The following JADE1 variants were observed in gnomAD, a reference collection of about 807,000 sequenced individuals.
The protein encoded by JADE1 is protein Jade-1.
A neutral mutation model predicts 81.8 loss-of-function variants in JADE1; 14 were observed. The ratio of observed to expected loss-of-function variants is 0.17; its 90% CI spans 0.11 to 0.27. The LOEUF is 0.27. Among genes scored for constraint, JADE1 ranks in the 10% least tolerant of loss-of-function variants. JADE1 has a pLI of 1.00. For synonymous variants in JADE1, 353 were observed against 391.9 expected (o/e 0.90, Z 1.17); for missense variants, 690 against 1,047.9 (o/e 0.66, Z 4.71).
intron 1 of JADE1, among the ~76,000 whole-genome samples, chr4:128,817,888 C>T (rs1727183795): frequency 6.6e-6 from 1 of 152,146 alleles, no homozygotes; most frequent in Non-Finnish European, 1.5e-5. Context: ...GCCACTGTTA[C>T]CATGTATTGT....
rs1253824361 is a variant in JADE1 at position 128,871,216 on chromosome 4, G to A, written c.1622-139G>A. On this transcript the variant is annotated intron_variant, in intron 10 of 10. Coordinates refer to ENST00000226319, the MANE Select transcript of JADE1 (RefSeq NM_199320.4). The surrounding 1 kb of genome is among the most constrained non-coding windows in gnomAD (Gnocchi z 4.1). ...TCTCTTCACTATAAAAACCAAATTT[G>A]TACAAACTTGGTGGTGTAAGTGTTG... 3 of 826,252 alleles carry A rather than the reference G, an allele frequency of 3.6e-6. No individual in the cohort carries two copies. Among genetic ancestry groups the A allele is most frequent in the African/African-American group, 3.4e-5 (2 of 58,076 alleles). The allele number at this position is 826,252 out of a possible 1,614,324, so 51.2% of individuals were successfully genotyped here.
chr4:128,864,708 T>A, intron 9 of JADE1: 1 of 590,114 alleles, frequency 1.7e-6, no homozygotes, highest in Non-Finnish European at 2.1e-6. Context: ...AAAAATCATT[T>A]AATACCTGTG....
intron 8 of JADE1, among the ~76,000 whole-genome samples, chr4:128,859,356 T>G (rs111205563): frequency 4.6e-5 from 7 of 151,988 alleles, no homozygotes; most frequent in African/African-American, 1.7e-4. Flanking sequence ...CGTATTTGAG[T>G]ATGCGTGTGT....
At chr4:128,849,293 T>A in intron 5 of JADE1, 126 bp downstream of exon 5, 1 of 752,748 alleles carries the variant, frequency 1.3e-6, no homozygotes, top group Non-Finnish European at 2.1e-6. Flanking sequence ...CTTTAGTCAG[T>A]GAGAATCGCA....
intron 1 of JADE1, among the ~76,000 whole-genome samples, chr4:128,823,890 G>A (rs1478622160): frequency 2.0e-5 from 3 of 152,166 alleles, no homozygotes; most frequent in Non-Finnish European, 4.4e-5. Context: ...ACTGAGGTAA[G>A]AAACCAGCTG....
At chr4:128,862,643 G>A in intron 9 of JADE1, 2 of 1,019,228 alleles carry the variant, frequency 2.0e-6, no homozygotes, top group Non-Finnish European at 2.4e-6. Context: ...GGGGGCCAGA[G>A]ATGGGAAAAT....
intron 1 of JADE1, among the ~76,000 whole-genome samples, chr4:128,823,825 A>G (rs1407105918): frequency 6.6e-6 from 1 of 152,208 alleles, no homozygotes; most frequent in Non-Finnish European, 1.5e-5. Flanking sequence ...TATGAATTAG[A>G]TAATGTTGCC....
intron 6 of JADE1, 118 bp downstream of exon 6, chr4:128,852,386 T>C (rs2125868875): frequency 1.3e-6 from 1 of 749,230 alleles, no homozygotes; most frequent in South Asian, 1.7e-5. Context: ...TTCTACGATT[T>C]AAAGAAATGT....
rs1035508490 is a variant in JADE1, at chr4:128,846,940, G to A, written c.296+408G>A. ...AAGCATCTGGCTTTGTTGGGAACTA[G>A]CGCGGGCAGCTGCTCTGCCTACTGC... On this transcript the variant is annotated intron_variant, in intron 4 of 10. Transcript: ENST00000226319. The surrounding 1 kb of genome is among the most constrained non-coding windows in gnomAD (Gnocchi z 4.0). Among the ~76,000 whole-genome samples, 2 of 152,238 alleles carry A rather than the reference G, an allele frequency of 1.3e-5. No homozygotes were observed. The highest frequency in any genetic ancestry group is 4.8e-5 in the African/African-American group (2 of 41,462).
intron 1 of JADE1, among the ~76,000 whole-genome samples, chr4:128,816,154 C>T (rs1455183536): frequency 1.3e-5 from 2 of 151,860 alleles, no homozygotes; most frequent in Non-Finnish European, 2.9e-5. Flanking sequence ...AATCTGTTTT[C>T]TCCGTTTTCA....
intron 6 of JADE1, among the ~76,000 whole-genome samples, chr4:128,854,375 C>T (rs1366236619): frequency 6.6e-6 from 1 of 152,092 alleles, no homozygotes; most frequent in Non-Finnish European, 1.5e-5. Context: ...TAATTTAGAC[C>T]TGCTTTTCCA....
At chr4:128,820,727 C>G (rs138766117) in intron 1 of JADE1, among the ~76,000 whole-genome samples, 1 of 151,272 alleles carries the variant, frequency 6.6e-6, no homozygotes, top group African/African-American at 2.4e-5. Flanking sequence ...TTTTTGGTGA[C>G]TTAACATTGT....
At chr4:128,822,710 A>T (rs541870825) in intron 1 of JADE1, among the ~76,000 whole-genome samples, 9 of 151,966 alleles carry the variant, frequency 5.9e-5, no homozygotes, top group African/African-American at 1.7e-4. Context: ...CAAGAGTGAA[A>T]CTCCGTCTCA....
rs144664022 is a variant in JADE1 at position 128,817,048 on chromosome 4, G to A, written c.-27+7171G>A. Among the ~76,000 whole-genome samples the A allele has an allele frequency of 6.6e-5, 10 of 151,962 alleles. No homozygotes were observed. The East Asian group carries it at 1.7e-3, about 27-fold the overall frequency. ...TAATTTTTGTATTTTTAGTAGAGACGGGGTTTTACCATGTTGGCCAGGCTG... is the reference window on the plus strand; with the variant it reads ...TAATTTTTGTATTTTTAGTAGAGACAGGGTTTTACCATGTTGGCCAGGCTG... On this transcript the variant is annotated intron_variant, in intron 1 of 10. Transcript: ENST00000226319.
chr4:128,871,358 T>G lies in JADE1; in HGVS notation c.1625T>G (p.Val542Gly). The change falls in exon 11 of 11, where the codon GTG becomes GGG. Residue 542 changes from valine to glycine, a missense_variant. Around this residue, in one of 8 missense-constraint regions of JADE1, gnomAD observed 86 missense variants for 95.4 expected, o/e 0.90. Transcript: ENST00000226319. The surrounding 1 kb of genome is among the most constrained non-coding windows in gnomAD (Gnocchi z 4.1). ...KLLEQERVSG[V>G]PSSCSSSSLE... is the part of the protein sequence containing the mutation. ...ATTTGTGGTTTTATGTTTATAGGTG[T>G]GCCTTCTTCCTGCTCCTCCTCCTCA... 6.2e-7 allele frequency: 1 copy of G among 1,611,782 alleles called. No homozygotes were observed. Among genetic ancestry groups the G allele is most frequent in the South Asian group, 1.1e-5 (1 of 90,970 alleles).
At chr4:128,829,214 C>T (rs551811000) in intron 1 of JADE1, among the ~76,000 whole-genome samples, 10 of 152,236 alleles carry the variant, frequency 6.6e-5, no homozygotes, top group African/African-American at 2.4e-4. Flanking sequence ...TGGGCTTACC[C>T]CAGGCCAAGT....
chr4:128,849,170 G>A lies in JADE1; in HGVS notation c.484+3G>A. ...CAATGAAGAATTTAAGGAGATGGGTGAGAGACCATGTATTCTATTATTTTA... is the reference window on the plus strand; with the variant it reads ...CAATGAAGAATTTAAGGAGATGGGTAAGAGACCATGTATTCTATTATTTTA... On this transcript the variant is annotated splice_donor_region_variant and intron_variant, in intron 5 of 10. Coordinates refer to ENST00000226319, the MANE Select transcript of JADE1 (RefSeq NM_199320.4). 6.2e-7 allele frequency: 1 copy of A among 1,601,542 alleles called. No individual in the cohort carries two copies. The highest frequency in any genetic ancestry group is 8.5e-7 in the Non-Finnish European group (1 of 1,171,812).
chr4:128,836,491 A>G (rs1232984776), intron 2 of JADE1, among the ~76,000 whole-genome samples: 3 of 152,054 alleles, frequency 2.0e-5, no homozygotes, highest in South Asian at 2.1e-4. Context: ...AGAAGAGGAG[A>G]AGGAGGAAGA....
intron 2 of JADE1, among the ~76,000 whole-genome samples, chr4:128,834,973 C>G (rs1192269408): frequency 2.0e-5 from 3 of 150,724 alleles, no homozygotes; most frequent in Non-Finnish European, 4.4e-5. Flanking sequence ...AAGCGAGAAC[C>G]CATCTCTATT....
Sources: allele counts gnomAD v4.1 joint callset (sites outside exome capture counted in the v4.1 genomes callset), GRCh38; gene constraint gnomAD v4.1.1; regional missense constraint gnomAD v4.1.1; non-coding constraint Gnocchi (gnomAD v3.1); transcripts MANE v1.5; gene names NCBI Gene and HGNC (gene_info 2026-07-23, HGNC 2026-07-21).